Variants in PHACTR1 observed in about 807,000 individuals in gnomAD.
PHACTR1 encodes the protein phosphatase and actin regulator 1, also known as RPEL repeat containing 1.
In PHACTR1, 16 loss-of-function variants were observed where a neutral mutation model predicts 69.2. That is an observed-to-expected ratio of 0.23 (90% confidence interval 0.16 to 0.35). The LOEUF (loss-of-function observed/expected upper bound fraction) is 0.35. Among genes scored for constraint, PHACTR1 ranks in the 10% least tolerant of loss-of-function variants. The probability of loss-of-function intolerance (pLI) is 1.00; values close to 1 mark genes in which losing one functional copy is unlikely to be tolerated. For missense variants in PHACTR1, 510 were observed against 734.7 expected (o/e 0.69, Z 3.54); for synonymous variants, 312 against 284.5 (o/e 1.10, Z -0.97).
intron 4 of PHACTR1, among the ~76,000 whole-genome samples, chr6:13,009,473 G>A (rs1331898603): frequency 6.6e-6 from 1 of 152,102 alleles, no homozygotes; most frequent in Non-Finnish European, 1.5e-5. Flanking sequence ...GCTTTGCCCT[G>A]TGTTGACCTT....
At chr6:12,984,601 G>T (rs1225885132) in intron 4 of PHACTR1, among the ~76,000 whole-genome samples, 2 of 152,170 alleles carry the variant, frequency 1.3e-5, no homozygotes, top group Non-Finnish European at 2.9e-5. Flanking sequence ...TTCCAAGAAA[G>T]AATCCCTTTT....
chr6:13,010,762 C>T (rs1364475439), intron 4 of PHACTR1, among the ~76,000 whole-genome samples: 1 of 151,746 alleles, frequency 6.6e-6, no homozygotes, highest in Non-Finnish European at 1.5e-5. Context: ...TGTCATACAG[C>T]TAAGTGACAC....
At chr6:12,846,363 A>G (rs1186337343) in intron 4 of PHACTR1, among the ~76,000 whole-genome samples, 1 of 152,232 alleles carries the variant, frequency 6.6e-6, no homozygotes, top group Non-Finnish European at 1.5e-5. Flanking sequence ...TTTTCTTGAG[A>G]CAATACTGCA....
intron 4 of PHACTR1, among the ~76,000 whole-genome samples, chr6:12,770,682 C>T (rs1454444309): frequency 8.5e-5 from 13 of 152,166 alleles, no homozygotes; most frequent in Non-Finnish European, 1.5e-4. Flanking sequence ...CTGGCCGTGG[C>T]AAGACAAAGA....
chr6:12,944,914 C>T (rs1022355623), intron 4 of PHACTR1, among the ~76,000 whole-genome samples: 2 of 151,960 alleles, frequency 1.3e-5, no homozygotes, highest in Admixed American at 6.6e-5. Context: ...TCCCGAGTAG[C>T]TGGGACTACA....
At chr6:13,222,537 T>G (rs1457419029) in intron 8 of PHACTR1, among the ~76,000 whole-genome samples, 1 of 152,184 alleles carries the variant, frequency 6.6e-6, no homozygotes, top group Non-Finnish European at 1.5e-5. Context: ...TCTGGACAGT[T>G]CTTCATCATT....
intron 4 of PHACTR1, among the ~76,000 whole-genome samples, chr6:12,821,026 A>G (rs9472672): frequency 0.26 from 39,101 of 152,086 alleles, 6,302 homozygotes; most frequent in African/African-American, 0.46. Context: ...AACCTGGTAT[A>G]GAGATCTAAG....
chr6:13,075,234 T>G (rs1162537519), intron 5 of PHACTR1, among the ~76,000 whole-genome samples: 1 of 152,168 alleles, frequency 6.6e-6, no homozygotes, highest in Non-Finnish European at 1.5e-5. Context: ...CCATATGAGA[T>G]AAGAACTATT....
intron 5 of PHACTR1, among the ~76,000 whole-genome samples, chr6:13,055,017 A>C (rs1806555800): frequency 6.6e-6 from 1 of 152,062 alleles, no homozygotes; most frequent in South Asian, 2.1e-4. Flanking sequence ...TTGTACCTGA[A>C]TATCAGTCCA....
intron 4 of PHACTR1, among the ~76,000 whole-genome samples, chr6:12,825,944 AC>A (rs1214195115): frequency 6.6e-6 from 1 of 152,204 alleles, no homozygotes; most frequent in African/African-American, 2.4e-5. Context: ...TTAGGAGGGG[AC>A]TTTTCACAAC....
chr6:13,022,462 A>G (rs1801110737), intron 4 of PHACTR1, among the ~76,000 whole-genome samples: 1 of 152,182 alleles, frequency 6.6e-6, no homozygotes, highest in South Asian at 2.1e-4. Flanking sequence ...AAATCAAAAG[A>G]AGGAGAATAA....
chr6:12,925,901 C>T lies in PHACTR1; in HGVS notation c.251-127464C>T, dbSNP rs1409358899. Among the ~76,000 whole-genome samples, 4 of 152,154 alleles carry T rather than the reference C, an allele frequency of 2.6e-5. No homozygotes were observed. The East Asian group carries it at 7.7e-4, about 29-fold the overall frequency. ...TCTCTCGTGTATCTTCAAACTCTGC[C>T]ACTCCACTTTCCATCCTAACATGAA... On this transcript the variant is annotated intron_variant, in intron 4 of 14. Transcript: ENST00000332995.
chr6:13,010,391 G>A (rs1345339267), intron 4 of PHACTR1, among the ~76,000 whole-genome samples: 1 of 152,266 alleles, frequency 6.6e-6, no homozygotes, highest in Non-Finnish European at 1.5e-5. Flanking sequence ...GTGCCCCAAA[G>A]TGCTGGGATT....
chr6:12,814,554 A>G (rs1775374371), intron 4 of PHACTR1, among the ~76,000 whole-genome samples: 1 of 152,198 alleles, frequency 6.6e-6, no homozygotes, highest in Non-Finnish European at 1.5e-5. Flanking sequence ...TGTGAACTTG[A>G]GTAAGTCCCT....
At chr6:13,248,059 C>T (rs898988486) in intron 10 of PHACTR1, among the ~76,000 whole-genome samples, 2 of 152,204 alleles carry the variant, frequency 1.3e-5, no homozygotes, top group Non-Finnish European at 2.9e-5. Context: ...TGTGAGCAGG[C>T]AGCTTCTCCC....
intron 3 of PHACTR1, among the ~76,000 whole-genome samples, chr6:12,737,417 A>ACG (rs1351093501): frequency 1.3e-5 from 2 of 151,596 alleles, no homozygotes; most frequent in Admixed American, 6.6e-5. Context: ...ACACACACAC[A>ACG]CACGCATGCA....
chr6:12,800,066 C>A (rs879395922), intron 4 of PHACTR1, among the ~76,000 whole-genome samples: 1 of 152,128 alleles, frequency 6.6e-6, no homozygotes, highest in Non-Finnish European at 1.5e-5. Context: ...AAATGACAGG[C>A]ACAGCAAACC....
intron 4 of PHACTR1, among the ~76,000 whole-genome samples, chr6:12,825,445 T>C (rs536426674): frequency 6.6e-6 from 1 of 152,390 alleles, no homozygotes; most frequent in African/African-American, 2.4e-5. Flanking sequence ...TTTAGTGTGG[T>C]TTCTCCATGT....
At chr6:13,034,435 T>C (rs1561724633) in intron 4 of PHACTR1, among the ~76,000 whole-genome samples, 1 of 152,228 alleles carries the variant, frequency 6.6e-6, no homozygotes, top group Non-Finnish European at 1.5e-5. Flanking sequence ...AAGTACTTAA[T>C]ATAGATTTTT....
Sources: gnomAD v4.1 joint callset for allele counts (sites outside exome capture counted in the v4.1 genomes callset) on GRCh38, gnomAD v4.1.1 for gene constraint, MANE v1.5 for transcripts, NCBI Gene and HGNC (gene_info 2026-07-23, HGNC 2026-07-21) for gene names.